The following SIK3 variants were observed in gnomAD, a reference collection of about 807,000 sequenced individuals.
SIK3 encodes SIK family kinase 3.
In SIK3, 28 loss-of-function variants were observed where a neutral mutation model predicts 144.2. That is an observed-to-expected ratio of 0.19 (90% confidence interval 0.14 to 0.27). The LOEUF is 0.27. SIK3 is among the 10% of genes least tolerant of loss of function. SIK3 has a pLI of 1.00. For synonymous variants in SIK3, 686 were observed against 676.3 expected (o/e 1.01, Z -0.22); for missense variants, 1,319 against 1,776.0 (o/e 0.74, Z 4.62).
intron 1 of SIK3, among the ~76,000 whole-genome samples, chr11:117,053,373 T>C (rs954594200): frequency 1.3e-5 from 2 of 151,796 alleles, no homozygotes; most frequent in Non-Finnish European, 2.9e-5. Flanking sequence ...CAAATGCTAT[T>C]ATAGGTAAGT....
At chr11:116,845,864 C>G (rs1438538563) in intron 24 of SIK3, among the ~76,000 whole-genome samples, 1 of 152,210 alleles carries the variant, frequency 6.6e-6, no homozygotes, top group Non-Finnish European at 1.5e-5. Flanking sequence ...TTGCATTACT[C>G]CAGCCAAACA....
chr11:117,011,468 A>G (rs896083441), intron 1 of SIK3, among the ~76,000 whole-genome samples: 1 of 152,226 alleles, frequency 6.6e-6, no homozygotes, highest in African/African-American at 2.4e-5. Context: ...ATTGTTACAC[A>G]TAACAGAGAG....
chr11:116,929,183 T>C (rs1947456958), intron 3 of SIK3, among the ~76,000 whole-genome samples: 1 of 152,240 alleles, frequency 6.6e-6, no homozygotes, highest in African/African-American at 2.4e-5. Flanking sequence ...CAGTACCTGC[T>C]CCTCTGACCC....
rs61084058 is a variant in SIK3 at position 117,081,480 on chromosome 11, C to T, written c.273+16663G>A. Among the ~76,000 whole-genome samples, 115 of 152,110 alleles carry T rather than the reference C, an allele frequency of 7.6e-4. 1 individual carries two copies. Among genetic ancestry groups the T allele is most frequent in the African/African-American group, 2.5e-3 (105 of 41,480 alleles). ...CTACTAAAAATTACAAAAGATTAGCCGGGCGTGATGGCAGGTACCTGTAGT... is the reference window on the plus strand; with the variant it reads ...CTACTAAAAATTACAAAAGATTAGCTGGGCGTGATGGCAGGTACCTGTAGT... On this transcript the variant is annotated intron_variant, in intron 1 of 24. Transcript: ENST00000445177.
chr11:116,950,503 G>A (rs986667683), intron 3 of SIK3, among the ~76,000 whole-genome samples: 1 of 152,172 alleles, frequency 6.6e-6, no homozygotes, highest in African/African-American at 2.4e-5. Context: ...TCTTTAACTG[G>A]CACAATGATG....
chr11:117,044,038 G>A (rs1239345743), intron 1 of SIK3, among the ~76,000 whole-genome samples: 2 of 152,154 alleles, frequency 1.3e-5, no homozygotes, highest in African/African-American at 2.4e-5. Flanking sequence ...TCCCTGAATC[G>A]ATGTTCCTGA....
chr11:117,098,375 C>A lies in SIK3; in HGVS notation c.41G>T (p.Gly14Val), dbSNP rs1438532752. The A allele has an allele frequency of 3.4e-6, 4 of 1,172,696 alleles. 1 individual carries two copies. The highest frequency in any genetic ancestry group is 3.3e-5 in the African/African-American group (2 of 61,424). 72.6% of individuals were successfully genotyped at this position (1,172,696 alleles called of 1,614,324 possible). Residue 14 changes from glycine (G) to valine (V), a missense_variant, in exon 1 of 25, where the codon GGG becomes GTG. By Grantham distance (109) the Gly-to-Val change is moderately radical. Coordinates refer to ENST00000445177, the MANE Select transcript of SIK3 (RefSeq NM_001366686.3). ...GGGCCCGGCTCCCCCAGTCCCGGCC[C>A]CGGCAGCCCCGCCAGCTCCGCTCGC... The part of the protein sequence containing the change: ...AAASGAGGAA[G>V]AGTGGAGPAG...
At chr11:116,932,591 T>C (rs1201398248) in intron 3 of SIK3, among the ~76,000 whole-genome samples, 1 of 152,130 alleles carries the variant, frequency 6.6e-6, no homozygotes, top group Non-Finnish European at 1.5e-5. Context: ...CAATTTTTTG[T>C]ATCAAAAAAA....
In SIK3 at chr11:117,016,218, C is replaced by T. The variant is rs558490440; in HGVS notation, c.274-59154G>A. Among the ~76,000 whole-genome samples, 53 of 151,318 alleles carry T rather than the reference C, an allele frequency of 3.5e-4. No homozygotes were observed. In the Middle Eastern group the frequency reaches 0.014, roughly 39 times the overall value. On this transcript the variant is annotated intron_variant, in intron 1 of 24. Coordinates refer to ENST00000445177, the MANE Select transcript of SIK3 (RefSeq NM_001366686.3). Reference sequence around the variant, plus strand: ...GTGTATGCCTGTAATCCCAGCTACTCAGGAGGCTGAGGCAGGAGAATCGCT... The same window carrying T: ...GTGTATGCCTGTAATCCCAGCTACTTAGGAGGCTGAGGCAGGAGAATCGCT...
At chr11:116,897,418 A>G in intron 4 of SIK3, 101 bp from the exon 5 acceptor site, 1 of 1,063,110 alleles carries the variant, frequency 9.4e-7, no homozygotes, top group Non-Finnish European at 1.4e-6. Flanking sequence ...CATTGTCTGA[A>G]TATTAAATGC....
At chr11:116,961,808 A>G (rs1388499690) in intron 1 of SIK3, among the ~76,000 whole-genome samples, 3 of 152,214 alleles carry the variant, frequency 2.0e-5, no homozygotes, top group Non-Finnish European at 4.4e-5. Context: ...GAGATAACAG[A>G]TTGTGAGAGT....
chr11:116,915,897 A>C (rs1367011707), intron 4 of SIK3, among the ~76,000 whole-genome samples: 1 of 152,268 alleles, frequency 6.6e-6, no homozygotes, highest in Non-Finnish European at 1.5e-5. Context: ...GGTCAAAGCT[A>C]TTATGATAAC....
chr11:116,904,558 T>C (rs1945923212), intron 4 of SIK3, among the ~76,000 whole-genome samples: 1 of 152,164 alleles, frequency 6.6e-6, no homozygotes, highest in Admixed American at 6.5e-5. Context: ...AACCTTTGGC[T>C]CATGACACAC....
rs1342500501 is a variant in SIK3 at position 116,844,597 on chromosome 11, T to C, written c.*1046A>G. The C allele has an allele frequency of 1.2e-5, 1 of 86,486 alleles. No homozygotes were observed. Among genetic ancestry groups the C allele is most frequent in the Non-Finnish European group, 2.4e-5 (1 of 41,704 alleles). The allele number at this position is 86,486 out of a possible 1,614,324, so 5.4% of individuals were successfully genotyped here. On this transcript the variant is annotated 3_prime_UTR_variant, in exon 25 of 25. Coordinates refer to ENST00000445177, the MANE Select transcript of SIK3 (RefSeq NM_001366686.3). ...AGAGGAGAGCATATATATATATATT[T>C]TATATATATATTATATATATAATAT...
At chr11:116,915,424 T>C (rs754671515) in intron 4 of SIK3, among the ~76,000 whole-genome samples, 12 of 152,196 alleles carry the variant, frequency 7.9e-5, no homozygotes, top group Non-Finnish European at 1.3e-4. Context: ...CTTGATTAAA[T>C]GAATTATTTT....
At chr11:117,040,740 A>T (rs1952702712) in intron 1 of SIK3, among the ~76,000 whole-genome samples, 1 of 152,188 alleles carries the variant, frequency 6.6e-6, no homozygotes, top group Non-Finnish European at 1.5e-5. Context: ...GGGAATGTAG[A>T]TAAGATTAGG....
chr11:116,870,071 A>G, intron 14 of SIK3: 2 of 1,425,342 alleles, frequency 1.4e-6, no homozygotes, highest in Non-Finnish European at 9.3e-7. Flanking sequence ...GGGACAAGGA[A>G]GAAGGAGGGA....
intron 1 of SIK3, among the ~76,000 whole-genome samples, chr11:117,037,851 C>T (rs1952580807): frequency 6.6e-6 from 1 of 152,148 alleles, no homozygotes. Context: ...AACACCTGAC[C>T]CTGGTTTCCT....
chr11:116,849,109 G>T lies in SIK3; in HGVS notation c.3819+11C>A. 6.3e-7 allele frequency: 1 copy of T among 1,575,802 alleles called. No individual in the cohort carries two copies. Among genetic ancestry groups the T allele is most frequent in the Non-Finnish European group, 8.6e-7 (1 of 1,156,946 alleles). On this transcript the variant is annotated intron_variant, in intron 22 of 24. Coordinates refer to ENST00000445177, the MANE Select transcript of SIK3 (RefSeq NM_001366686.3). This position sits in a 1 kb window ranked among gnomAD's most constrained non-coding sequence, Gnocchi z 4.2. ...GGATCCACCTCTGTGCAGCAGGTGG[G>T]ACCAACATACATAAGCATCGTCGCT...
Sources: allele counts gnomAD v4.1 joint callset (sites outside exome capture counted in the v4.1 genomes callset), GRCh38; gene constraint gnomAD v4.1.1; non-coding constraint Gnocchi (gnomAD v3.1); transcripts MANE v1.5; gene names NCBI Gene and HGNC (gene_info 2026-07-23, HGNC 2026-07-21).